Variants in C8orf34 observed in about 807,000 individuals in gnomAD.
The protein encoded by C8orf34 is chromosome 8 open reading frame 34, also known as uncharacterized protein C8orf34.
C8orf34 carries 65 observed loss-of-function variants against 68.3 expected under a neutral mutation model. That is an observed-to-expected ratio of 0.95 (90% CI 0.78 to 1.17). The LOEUF (loss-of-function observed/expected upper bound fraction) is 1.17. Ranked by LOEUF, C8orf34 falls within the 50% of genes most tolerant of loss-of-function variation. C8orf34 has a pLI of 0.00. For synonymous variants in C8orf34, 244 were observed against 241.2 expected (o/e 1.01, Z -0.11); for missense variants, 664 against 655.4 (o/e 1.01, Z -0.14).
In C8orf34 at chr8:68,373,354, G is replaced by C. The variant is rs148249709; in HGVS notation, c.327+42015G>C. Among the ~76,000 whole-genome samples, 205 of 152,268 alleles carry C rather than the reference G, an allele frequency of 1.3e-3. 1 individual carries two copies. Among genetic ancestry groups the C allele is most frequent in the African/African-American group, 4.9e-3 (202 of 41,562 alleles). The stretch of plus-strand genomic sequence containing the variant: ...TCATCTTGACTTGCAGATGACCACA[G>C]ATGGGGGAAAAGGGAAGAGATGAAA... On this transcript the variant is annotated intron_variant, in intron 1 of 13. Transcript: ENST00000518698.
At chr8:68,521,089 C>A (rs1814735348) in intron 5 of C8orf34, among the ~76,000 whole-genome samples, 1 of 152,096 alleles carries the variant, frequency 6.6e-6, no homozygotes, top group Admixed American at 6.6e-5. Flanking sequence ...AATTAGTGAA[C>A]AAGAAACGGA....
chr8:68,803,708 G>T, intron 12 of C8orf34, among the ~76,000 whole-genome samples: 1 of 152,184 alleles, frequency 6.6e-6, no homozygotes, highest in African/African-American at 2.4e-5. Context: ...AGAAAAGCAA[G>T]TAAATGCGTA....
intron 8 of C8orf34, among the ~76,000 whole-genome samples, chr8:68,688,954 G>A (rs1276197821): frequency 2.6e-5 from 4 of 151,912 alleles, no homozygotes; most frequent in Non-Finnish European, 5.9e-5. Flanking sequence ...TAATGAACCT[G>A]CAAGTTCTGC....
At chr8:68,448,910 A>G (rs972889617) in intron 3 of C8orf34, among the ~76,000 whole-genome samples, 5 of 152,128 alleles carry the variant, frequency 3.3e-5, no homozygotes, top group Admixed American at 6.5e-5. Context: ...AGAGATAAAG[A>G]GACCATATCA....
At chr8:68,710,040 C>T (rs16934945) in intron 9 of C8orf34, among the ~76,000 whole-genome samples, 1 of 151,994 alleles carries the variant, frequency 6.6e-6, no homozygotes, top group Non-Finnish European at 1.5e-5. Flanking sequence ...ATAATTGAAA[C>T]CTTCAGCCGT....
At chr8:68,685,983 A>G (rs2130892030) in intron 8 of C8orf34, among the ~76,000 whole-genome samples, 1 of 152,170 alleles carries the variant, frequency 6.6e-6, no homozygotes, top group African/African-American at 2.4e-5. Flanking sequence ...AATGCAAAAG[A>G]TCATTCGAGA....
intron 8 of C8orf34, among the ~76,000 whole-genome samples, chr8:68,701,285 G>A (rs13255506): frequency 0.3 from 46,132 of 151,758 alleles, 8,116 homozygotes; most frequent in East Asian, 0.54. Context: ...CATTTTATTG[G>A]TTTACTTATT....
intron 5 of C8orf34, among the ~76,000 whole-genome samples, chr8:68,508,642 A>C (rs6981661): frequency 6.6e-6 from 1 of 152,094 alleles, no homozygotes; most frequent in East Asian, 1.9e-4. Flanking sequence ...GCTGGCTGTC[A>C]GTTGATATAA....
chr8:68,643,739 A>G (rs1314131796), intron 8 of C8orf34, among the ~76,000 whole-genome samples: 2 of 152,150 alleles, frequency 1.3e-5, no homozygotes, highest in African/African-American at 4.8e-5. Context: ...ATACTACCAC[A>G]CAGGGGGTTA....
At chr8:68,794,414 TC>T (rs60046152) in intron 12 of C8orf34, among the ~76,000 whole-genome samples, 141,102 of 141,110 alleles carry the variant, frequency 1, 70,547 homozygotes, top group Middle Eastern at 1. Flanking sequence ...CAAGCAATCC[TC>T]CCCTCCCTGC....
intron 5 of C8orf34, among the ~76,000 whole-genome samples, chr8:68,520,336 T>C (rs1260232127): frequency 2.6e-5 from 4 of 152,262 alleles, no homozygotes; most frequent in African/African-American, 9.6e-5. Flanking sequence ...GTTGATTATA[T>C]ATTACATTGT....
intron 7 of C8orf34, among the ~76,000 whole-genome samples, chr8:68,638,193 T>C (rs1422120122): frequency 6.6e-6 from 1 of 152,172 alleles, no homozygotes; most frequent in Non-Finnish European, 1.5e-5. Context: ...TTTAAGATTG[T>C]AACCAGTTTA....
intron 7 of C8orf34, among the ~76,000 whole-genome samples, chr8:68,542,549 A>C (rs980662468): frequency 2.6e-5 from 4 of 152,126 alleles, no homozygotes; most frequent in African/African-American, 9.7e-5. Flanking sequence ...TCTTTTATAG[A>C]AAGTAGTTTA....
chr8:68,378,381 C>A (rs992878903), intron 1 of C8orf34, among the ~76,000 whole-genome samples: 1 of 152,196 alleles, frequency 6.6e-6, no homozygotes, highest in South Asian at 2.1e-4. Context: ...GTGGTACAAT[C>A]TAGGCTCATT....
intron 10 of C8orf34, among the ~76,000 whole-genome samples, chr8:68,758,915 A>G (rs1000908718): frequency 1.3e-5 from 2 of 152,148 alleles, no homozygotes; most frequent in African/African-American, 4.8e-5. Flanking sequence ...TTTTCCTATA[A>G]TCATTCTTAG....
At chr8:68,374,074 C>A (rs1372930964) in intron 1 of C8orf34, among the ~76,000 whole-genome samples, 1 of 152,114 alleles carries the variant, frequency 6.6e-6, no homozygotes, top group East Asian at 1.9e-4. Context: ...CACCATCATG[C>A]CCACCTAATC....
intron 1 of C8orf34, among the ~76,000 whole-genome samples, chr8:68,395,260 A>G (rs1276219724): frequency 6.6e-6 from 1 of 151,690 alleles, no homozygotes; most frequent in Admixed American, 6.6e-5. Flanking sequence ...TCCTGGACAT[A>G]TAACTATTGG....
At chr8:68,600,244 C>G (rs1341777967) in intron 7 of C8orf34, among the ~76,000 whole-genome samples, 1 of 152,032 alleles carries the variant, frequency 6.6e-6, no homozygotes, top group African/African-American at 2.4e-5. Context: ...AGAAATTGTA[C>G]TCTCATTCAA....
chr8:68,778,908 G>C (rs1258841546), intron 11 of C8orf34, among the ~76,000 whole-genome samples: 1 of 152,094 alleles, frequency 6.6e-6, no homozygotes, highest in Non-Finnish European at 1.5e-5. Flanking sequence ...TCAAGCTTGT[G>C]GCTCATGCCT....
Sources: gnomAD v4.1 joint callset for allele counts (sites outside exome capture counted in the v4.1 genomes callset) on GRCh38, gnomAD v4.1.1 for gene constraint, MANE v1.5 for transcripts, NCBI Gene and HGNC (gene_info 2026-07-23, HGNC 2026-07-21) for gene names.